Variants in GDAP1 observed in about 807,000 individuals in gnomAD.
GDAP1 encodes the protein ganglioside induced differentiation associated protein 1.
GDAP1 carries 34 observed loss-of-function variants against 40.1 expected under a neutral mutation model. The ratio of observed to expected loss-of-function variants is 0.85; its 90% confidence interval spans 0.64 to 1.13. The LOEUF (loss-of-function observed/expected upper bound fraction) is 1.13. Among genes scored for constraint, GDAP1 ranks in the 50% most tolerant of loss-of-function variants. The pLI is 0.00. For missense variants in GDAP1, 374 were observed against 433.7 expected (o/e 0.86, Z 1.22); for synonymous variants, 170 against 157.4 (o/e 1.08, Z -0.60).
At chr8:74,484,126 AT>A (rs1806746733) in intron 2 of GDAP1, among the ~76,000 whole-genome samples, 1 of 152,180 alleles carries the variant, frequency 6.6e-6, no homozygotes, top group South Asian at 2.1e-4. Context: ...TTATTATTTG[AT>A]CTGGAAATTT....
chr8:74,390,695 G>C (rs193101596), intron 2 of GDAP1, among the ~76,000 whole-genome samples: 3 of 152,350 alleles, frequency 2.0e-5, no homozygotes, highest in African/African-American at 4.8e-5. Flanking sequence ...CTGTCTCTTA[G>C]TAGAGCTTGA....
At chr8:74,360,079 T>G in intron 2 of GDAP1, 58 bp from the exon 3 acceptor site, 1 of 1,294,908 alleles carries the variant, frequency 7.7e-7, no homozygotes, top group Non-Finnish European at 1.1e-6. Flanking sequence ...TGTTTTGCTT[T>G]TGAGTGTAAC....
rs1563465307 is a variant in GDAP1, at chr8:74,422,322, TTTC to T, written c.166-66353_166-66351del. ...CTTTCTTTCTTTCTTTCTTTCTTTC[TTTC>T]TTTCTTTCTTTCTTTCTTTCTTTCT... On this transcript the variant is annotated intron_variant, in intron 2 of 2. Coordinates refer to the GDAP1 transcript ENST00000523640. Among the ~76,000 whole-genome samples, 38 of 55,016 alleles carry T rather than the reference TTTC, an allele frequency of 6.9e-4. 1 individual carries two copies. The highest frequency in any genetic ancestry group is 3.9e-3 in the African/African-American group (37 of 9,434). 36.1% of individuals were successfully genotyped at this position (55,016 alleles called of 152,430 possible). A position where few individuals can be genotyped will look rare whatever the true frequency, so the allele number is the denominator to read the frequency against.
chr8:74,474,969 C>T (rs543224231), intron 2 of GDAP1, among the ~76,000 whole-genome samples: 31 of 152,022 alleles, frequency 2.0e-4, no homozygotes, highest in African/African-American at 6.5e-4. Flanking sequence ...TTTTGGCGCT[C>T]ATTGTTGGTC....
intron 2 of GDAP1, among the ~76,000 whole-genome samples, chr8:74,484,255 C>T (rs1806748472): frequency 6.6e-6 from 1 of 152,094 alleles, no homozygotes; most frequent in African/African-American, 2.4e-5. Flanking sequence ...TTCTATACGT[C>T]ATACATTCAG....
intron 2 of GDAP1, among the ~76,000 whole-genome samples, chr8:74,478,332 G>A (rs777370141): frequency 5.9e-5 from 9 of 152,128 alleles, no homozygotes; most frequent in African/African-American, 1.2e-4. Flanking sequence ...GGGGGTGGCC[G>A]TGGTTGAGTG....
chr8:74,443,999 TATCTATCTATCTATCTATCTATCTATC>T (rs1387837004), intron 2 of GDAP1, among the ~76,000 whole-genome samples: 132 of 143,538 alleles, frequency 9.2e-4, no homozygotes, highest in Non-Finnish European at 1.5e-3. Context: ...TCTATCTATC[TATCTATCTATCTATCTATCTATCTATC>T]ATCTATCATC....
At chr8:74,465,144 C>T (rs1586843002) in intron 2 of GDAP1, among the ~76,000 whole-genome samples, 1 of 151,886 alleles carries the variant, frequency 6.6e-6, no homozygotes, top group African/African-American at 2.4e-5. Context: ...TGCTTAAACC[C>T]GGGAGACGGA....
chr8:74,467,407 T>C (rs1345509138), intron 2 of GDAP1, among the ~76,000 whole-genome samples: 1 of 152,190 alleles, frequency 6.6e-6, no homozygotes, highest in Non-Finnish European at 1.5e-5. Flanking sequence ...ATTTAACCAC[T>C]GTGACATAAG....
At chr8:74,460,201 A>G (rs1256763903) in intron 2 of GDAP1, among the ~76,000 whole-genome samples, 5 of 152,222 alleles carry the variant, frequency 3.3e-5, no homozygotes, top group African/African-American at 1.2e-4. Context: ...TTCATTCATT[A>G]TGATCTCCAT....
intron 5 of GDAP1, among the ~76,000 whole-genome samples, 158 bp from the exon 6 acceptor site, chr8:74,363,827 A>G (rs887274204): frequency 1.3e-5 from 2 of 152,046 alleles, no homozygotes; most frequent in Non-Finnish European, 2.9e-5. Context: ...AAAGCATGAA[A>G]TTATTCTCTG....
In GDAP1 at chr8:74,366,483, CACA is replaced by C; in HGVS notation, c.*2118_*2120del. 1 of 454,442 alleles carries C rather than the reference CACA, an allele frequency of 2.2e-6. No homozygotes were observed. Among genetic ancestry groups the C allele is most frequent in the African/African-American group, 2.0e-5 (1 of 50,114 alleles). The allele number at this position is 454,442 out of a possible 1,614,324, so 28.2% of individuals were successfully genotyped here. ...TGCTTTGAAAGGGATTACAGTATCACACAATGTCAAGCTAGAGTTAAACACAGT... is the reference window on the plus strand; with the variant it reads ...TGCTTTGAAAGGGATTACAGTATCACATGTCAAGCTAGAGTTAAACACAGT... On this transcript the variant is annotated 3_prime_UTR_variant, in exon 6 of 6. Coordinates refer to ENST00000220822, the MANE Select transcript of GDAP1 (RefSeq NM_018972.4).
chr8:74,411,524 A>AATATATATAT lies in GDAP1; in HGVS notation c.165+60215_165+60224dup, dbSNP rs57240234. On this transcript the variant is annotated intron_variant, in intron 2 of 2. Transcript: ENST00000523640. ...ACTAGTATTTACTATTTATTAAGCA[A>AATATATATAT]ATATATATATATATATATATACACA... Among the ~76,000 whole-genome samples the AATATATATAT allele has an allele frequency of 2.7e-4, 39 of 143,260 alleles. 3 individuals carry two copies. Among genetic ancestry groups the AATATATATAT allele is most frequent in the African/African-American group, 1.0e-3 (37 of 36,318 alleles). The allele number at this position is 143,260 out of a possible 152,430, so 94.0% of individuals were successfully genotyped here. A position where few individuals can be genotyped will look rare whatever the true frequency, so the allele number is the denominator to read the frequency against.
intron 2 of GDAP1, among the ~76,000 whole-genome samples, chr8:74,397,852 T>A (rs1810236589): frequency 6.6e-6 from 1 of 151,308 alleles, no homozygotes; most frequent in Non-Finnish European, 1.5e-5. Flanking sequence ...CTTTTTTGGT[T>A]CCATATGAAC....
intron 2 of GDAP1, among the ~76,000 whole-genome samples, chr8:74,402,647 G>A (rs1213608588): frequency 6.7e-6 from 1 of 150,276 alleles, no homozygotes; most frequent in Non-Finnish European, 1.5e-5. Context: ...CTTCTGTGTC[G>A]CTCATGCTGG....
intron 2 of GDAP1, among the ~76,000 whole-genome samples, chr8:74,373,232 C>T (rs1438304367): frequency 2.0e-5 from 3 of 152,186 alleles, no homozygotes; most frequent in South Asian, 2.1e-4. Context: ...ATTGACTTGG[C>T]AATGCAGGCT....
In GDAP1 at chr8:74,365,360, G is replaced by A. The variant is rs1432295658; in HGVS notation, c.*993G>A. The A allele has an allele frequency of 2.2e-6, 1 of 453,972 alleles. No individual in the cohort carries two copies. Among genetic ancestry groups the A allele is most frequent in the South Asian group, 1.6e-5 (1 of 64,462 alleles). The allele number at this position is 453,972 out of a possible 1,614,324, so 28.1% of individuals were successfully genotyped here. ...AATCTAGGGAAGATGAATTAAATGGGTAGATAGTGATGCATACCTGTATTC... is the reference window on the plus strand; with the variant it reads ...AATCTAGGGAAGATGAATTAAATGGATAGATAGTGATGCATACCTGTATTC... On this transcript the variant is annotated 3_prime_UTR_variant, in exon 6 of 6. Transcript: ENST00000220822.
intron 2 of GDAP1, among the ~76,000 whole-genome samples, chr8:74,465,991 T>A (rs926142960): frequency 6.6e-6 from 1 of 152,236 alleles, no homozygotes; most frequent in South Asian, 2.1e-4. Context: ...CATTTATTAA[T>A]ATGATGTCTG....
chr8:74,420,526 T>G (rs1481519843), intron 2 of GDAP1, among the ~76,000 whole-genome samples: 3 of 152,150 alleles, frequency 2.0e-5, no homozygotes, highest in Non-Finnish European at 4.4e-5. Flanking sequence ...ATTCTAATGG[T>G]TCACTGTCCT....
Sources: allele counts gnomAD v4.1 joint callset (sites outside exome capture counted in the v4.1 genomes callset), GRCh38; gene constraint gnomAD v4.1.1; transcripts MANE v1.5; gene names NCBI Gene and HGNC (gene_info 2026-07-23, HGNC 2026-07-21).